ANKRD11: variants seen among roughly 807,000 people sequenced by gnomAD.
The protein encoded by ANKRD11 is ankyrin repeat domain 11, also known as ankyrin repeat domain-containing protein 11.
ANKRD11 carries 17 observed loss-of-function variants against 195.7 expected under a neutral mutation model. That is an observed-to-expected ratio of 0.09 (90% CI 0.06 to 0.13). The LOEUF (loss-of-function observed/expected upper bound fraction) is 0.13, where lower values mean the gene tolerates loss of function less well. Among genes scored for constraint, ANKRD11 ranks in the 10% least tolerant of loss-of-function variants. ANKRD11 has a pLI of 1.00. For missense variants in ANKRD11, 3,735 were observed against 3,566.1 expected (o/e 1.05, Z -1.21); for synonymous variants, 1,953 against 1,528.1 (o/e 1.28, Z -6.49).
At chr16:89,348,310 C>T (rs2039041274) in intron 2 of ANKRD11, among the ~76,000 whole-genome samples, 2 of 152,198 alleles carry the variant, frequency 1.3e-5, no homozygotes, top group African/African-American at 4.8e-5. Flanking sequence ...TGGTACACTA[C>T]ATTGATTTTT....
At chr16:89,481,796 C>T (rs1035510915) in intron 1 of ANKRD11, among the ~76,000 whole-genome samples, 1 of 152,132 alleles carries the variant, frequency 6.6e-6, no homozygotes, top group Non-Finnish European at 1.5e-5. Flanking sequence ...CTGACATTCT[C>T]ACGTTACATG....
intron 1 of ANKRD11, among the ~76,000 whole-genome samples, chr16:89,449,112 A>AAATCC (rs2043941803): frequency 6.7e-6 from 1 of 150,172 alleles, no homozygotes; most frequent in Non-Finnish European, 1.5e-5. Context: ...GCATGTTGGG[A>AAATCC]GGCTGAGGCC....
intron 2 of ANKRD11, among the ~76,000 whole-genome samples, chr16:89,319,486 T>C (rs58196920): frequency 0.02 from 3,097 of 152,252 alleles, 108 homozygotes; most frequent in African/African-American, 0.07. Context: ...TCTGGAGACG[T>C]TTCTCCAGCC....
At chr16:89,412,607 T>A (rs2042144889) in intron 2 of ANKRD11, 1 of 152,136 alleles carries the variant, frequency 6.6e-6, no homozygotes, top group Admixed American at 6.6e-5. Flanking sequence ...CATTGGTGTT[T>A]TTGCATCCAT....
intron 9 of ANKRD11, chr16:89,278,416 G>A (rs1489733726): frequency 2.4e-6 from 1 of 416,316 alleles, no homozygotes; most frequent in East Asian, 7.0e-5. Context: ...CATTTGGAGG[G>A]ATCTATTTTG....
chr16:89,482,959 T>G (rs1463597033), intron 1 of ANKRD11, among the ~76,000 whole-genome samples: 1 of 152,212 alleles, frequency 6.6e-6, no homozygotes, highest in African/African-American at 2.4e-5. Flanking sequence ...ACCCAGATTT[T>G]AGCCCAGGCA....
At chr16:89,347,295 C>T (rs553446807) in intron 2 of ANKRD11, among the ~76,000 whole-genome samples, 13 of 152,132 alleles carry the variant, frequency 8.5e-5, no homozygotes, top group South Asian at 2.1e-4. Flanking sequence ...TATGTGTGTA[C>T]GTGAACATGT....
At chr16:89,311,763 G>A (rs946214743) in intron 3 of ANKRD11, among the ~76,000 whole-genome samples, 2 of 152,200 alleles carry the variant, frequency 1.3e-5, no homozygotes, top group African/African-American at 4.8e-5. Flanking sequence ...AGACATGGAG[G>A]CTGCTCAGAG....
intron 2 of ANKRD11, among the ~76,000 whole-genome samples, chr16:89,393,685 T>C (rs28689480): frequency 0.62 from 94,111 of 151,424 alleles, 30,006 homozygotes; most frequent in African/African-American, 0.77. Context: ...CTCAGAGGAT[T>C]TGTAAGGGTT....
intron 1 of ANKRD11, among the ~76,000 whole-genome samples, chr16:89,426,672 G>T (rs2042730644): frequency 6.6e-6 from 1 of 152,040 alleles, no homozygotes; most frequent in Non-Finnish European, 1.5e-5. Context: ...TAAACCCACA[G>T]AATTCCAAAT....
chr16:89,481,798 C>T (rs1374033483), intron 1 of ANKRD11, among the ~76,000 whole-genome samples: 2 of 152,140 alleles, frequency 1.3e-5, no homozygotes, highest in Non-Finnish European at 2.9e-5. Flanking sequence ...GACATTCTCA[C>T]GTTACATGCG....
intron 4 of ANKRD11, chr16:89,299,800 G>A: frequency 5.3e-6 from 1 of 187,358 alleles, no homozygotes; most frequent in Non-Finnish European, 1.0e-5. Flanking sequence ...CCCTGTGTGG[G>A]GTACCTGCCC....
chr16:89,418,049 C>T (rs1395037005), intron 2 of ANKRD11, among the ~76,000 whole-genome samples: 2 of 152,180 alleles, frequency 1.3e-5, no homozygotes, highest in African/African-American at 4.8e-5. Flanking sequence ...TTTAATTTTT[C>T]AGCAGATTTC....
Position 89,291,152 on chromosome 16 carries a change from C to G in ANKRD11, c.258G>C (p.Lys86Asn), listed in dbSNP as rs1048516831. The G allele has an allele frequency of 3.7e-6, 6 of 1,613,846 alleles. No individual in the cohort carries two copies. Among genetic ancestry groups the G allele is most frequent in the Non-Finnish European group, 5.1e-6 (6 of 1,179,986 alleles). Residue 86 changes from lysine (K) to asparagine (N), a missense_variant, in exon 5 of 13, where the codon AAG (lysine) becomes AAC (asparagine). Transcript: ENST00000301030. This position sits in a 1 kb window ranked among gnomAD's most constrained non-coding sequence, Gnocchi z 5.3. ...CGGCCTTCCGGGTGACAGGCTCCTT[C>G]TTAATCCTCTTCCGCTCAGGGCCCT... ...EKQGPERKRI[K>N]KEPVTRKAGL...
intron 2 of ANKRD11, among the ~76,000 whole-genome samples, chr16:89,351,496 G>A (rs1056182606): frequency 5.3e-5 from 8 of 152,152 alleles, no homozygotes; most frequent in Admixed American, 1.3e-4. Context: ...ATAAATATAC[G>A]TATTCAAAGA....
chr16:89,363,593 T>G (rs2039824040), intron 2 of ANKRD11, among the ~76,000 whole-genome samples: 1 of 152,216 alleles, frequency 6.6e-6, no homozygotes, highest in Admixed American at 6.5e-5. Context: ...CACCAAAACT[T>G]TCTTTGCATT....
chr16:89,349,719 T>C (rs1034100875), intron 2 of ANKRD11, among the ~76,000 whole-genome samples: 2 of 152,200 alleles, frequency 1.3e-5, no homozygotes, highest in African/African-American at 4.8e-5. Flanking sequence ...TCTACGATGC[T>C]GGCTTAGAGA....
chr16:89,345,699 C>T (rs558942190), intron 2 of ANKRD11, among the ~76,000 whole-genome samples: 4 of 152,166 alleles, frequency 2.6e-5, no homozygotes, highest in South Asian at 2.1e-4. Flanking sequence ...TGGCTCAGCA[C>T]GAGCTGAGTG....
intron 1 of ANKRD11, among the ~76,000 whole-genome samples, chr16:89,480,162 G>C (rs2057397790): frequency 6.6e-6 from 1 of 150,704 alleles, no homozygotes; most frequent in South Asian, 2.1e-4. Context: ...TTCCTTCTCA[G>C]ACCACAAGCC....
Sources: allele counts gnomAD v4.1 joint callset (sites outside exome capture counted in the v4.1 genomes callset), GRCh38; gene constraint gnomAD v4.1.1; non-coding constraint Gnocchi (gnomAD v3.1); transcripts MANE v1.5; gene names NCBI Gene and HGNC (gene_info 2026-07-23, HGNC 2026-07-21).